The following EHBP1 variants were observed in gnomAD, a reference collection of about 807,000 sequenced individuals.
EHBP1 encodes EH domain binding protein 1.
EHBP1 carries 55 observed loss-of-function variants against 144.0 expected under a neutral mutation model. The ratio of observed to expected loss-of-function variants is 0.38; its 90% confidence interval spans 0.31 to 0.48. The LOEUF (loss-of-function observed/expected upper bound fraction) is 0.48. Ranked by LOEUF, EHBP1 falls within the 20% of genes least tolerant of loss-of-function variation. The probability of loss-of-function intolerance (pLI) is 0.98; values close to 1 mark genes in which losing one functional copy is unlikely to be tolerated. For missense variants in EHBP1, 1,200 were observed against 1,364.2 expected, an observed-to-expected ratio of 0.88 and a Z score of 1.90; for synonymous variants, 469 against 472.7, an observed-to-expected ratio of 0.99 and a Z score of 0.10.
At chr2:62,883,760 T>C (rs2051676158) in intron 10 of EHBP1, among the ~76,000 whole-genome samples, 1 of 152,122 alleles carries the variant, frequency 6.6e-6, no homozygotes, top group African/African-American at 2.4e-5. Context: ...GCCTAGGAAT[T>C]AGAGACCAGC....
chr2:62,855,978 G>A (rs1315374903), intron 7 of EHBP1, among the ~76,000 whole-genome samples: 1 of 152,104 alleles, frequency 6.6e-6, no homozygotes, highest in African/African-American at 2.4e-5. Context: ...CCACTCCAGG[G>A]TCTCCTCCCT....
At chr2:62,889,364 T>A (rs1163453356) in intron 10 of EHBP1, among the ~76,000 whole-genome samples, 1 of 152,104 alleles carries the variant, frequency 6.6e-6, no homozygotes, top group Non-Finnish European at 1.5e-5. Context: ...TTTACTCTAT[T>A]GATAGTTTCT....
chr2:62,704,217 C>A (rs997586549), upstream of EHBP1, among the ~76,000 whole-genome samples: 9 of 152,144 alleles, frequency 5.9e-5, no homozygotes, highest in Admixed American at 2.6e-4. Flanking sequence ...GCAAAATAAG[C>A]GATAACTATG....
chr2:62,730,930 G>A (rs1376469460), intron 2 of EHBP1, among the ~76,000 whole-genome samples: 1 of 149,712 alleles, frequency 6.7e-6, no homozygotes, highest in Non-Finnish European at 1.5e-5. Context: ...TAGAGAGAGA[G>A]ACAGAGATAG....
intron 2 of EHBP1, among the ~76,000 whole-genome samples, chr2:62,719,449 C>T (rs975083603): frequency 2.0e-5 from 3 of 152,022 alleles, no homozygotes; most frequent in African/African-American, 7.3e-5. Flanking sequence ...TGCCAAGGGC[C>T]ATGATTCACA....
intron 11 of EHBP1, among the ~76,000 whole-genome samples, chr2:62,943,405 T>A (rs965725941): frequency 1.3e-5 from 2 of 150,368 alleles, no homozygotes; most frequent in East Asian, 3.9e-4. Flanking sequence ...AAAAAATGGT[T>A]TTTCTCCTTA....
At chr2:62,805,468 C>CTTTT (rs199557281) in intron 5 of EHBP1, among the ~76,000 whole-genome samples, 3 of 123,790 alleles carry the variant, frequency 2.4e-5, no homozygotes, top group African/African-American at 9.0e-5. Flanking sequence ...TTTGTATTTT[C>CTTTT]TTTTTTTTTT....
intron 10 of EHBP1, among the ~76,000 whole-genome samples, chr2:62,924,679 C>T (rs2055354093): frequency 6.6e-6 from 1 of 152,030 alleles, no homozygotes; most frequent in African/African-American, 2.4e-5. Flanking sequence ...TTGAATAGAC[C>T]AATAAGTAAA....
chr2:63,032,566 C>CAAAA (rs35237077), intron 19 of EHBP1, among the ~76,000 whole-genome samples: 1 of 28,282 alleles, frequency 3.5e-5, no homozygotes, highest in Non-Finnish European at 6.7e-5. Flanking sequence ...GACTCTGTCT[C>CAAAA]AAAAAAAAAA....
intron 1 of EHBP1, among the ~76,000 whole-genome samples, chr2:62,695,305 G>C: frequency 6.6e-6 from 1 of 152,096 alleles, no homozygotes; most frequent in East Asian, 1.9e-4. Context: ...AGGCTGCAGT[G>C]AGCCGTGATC....
At chr2:62,696,164 C>CTCTCTT (rs572834429) in intron 1 of EHBP1, among the ~76,000 whole-genome samples, 265 of 135,650 alleles carry the variant, frequency 2.0e-3, no homozygotes, top group Middle Eastern at 0.015. Flanking sequence ...CTCTCTCTCT[C>CTCTCTT]TCTTTCTTTC....
At chr2:62,849,027 CTG>C (rs1361148718) in intron 7 of EHBP1, among the ~76,000 whole-genome samples, 1 of 152,146 alleles carries the variant, frequency 6.6e-6, no homozygotes, top group East Asian at 1.9e-4. Flanking sequence ...GGTCTCCTGA[CTG>C]TGTCCTAATG....
chr2:62,771,275 A>T, intron 4 of EHBP1, 64 bp from the exon 5 acceptor site: 1 of 1,243,346 alleles, frequency 8.0e-7, no homozygotes, highest in Non-Finnish European at 1.1e-6. Context: ...GTATTTTCTT[A>T]ATTGGGTTTA....
At chr2:62,960,462 C>T (rs1574254571) in intron 14 of EHBP1, among the ~76,000 whole-genome samples, 1 of 152,164 alleles carries the variant, frequency 6.6e-6, no homozygotes, top group East Asian at 1.9e-4. Context: ...AGTTAATTCT[C>T]TTTCCTATAT....
At chr2:62,747,475 T>G in intron 3 of EHBP1, 23 bp downstream of exon 3, 1 of 1,585,466 alleles carries the variant, frequency 6.3e-7, no homozygotes. Context: ...TCTAAATTTC[T>G]TACCTAATTG....
At chr2:62,848,752 A>G (rs867147602) in intron 7 of EHBP1, among the ~76,000 whole-genome samples, 2 of 152,236 alleles carry the variant, frequency 1.3e-5, no homozygotes, top group African/African-American at 2.4e-5. Context: ...TAAAATAGTT[A>G]TAGCCTGTGG....
chr2:62,729,433 A>ATAATAAATG (rs1232631593), intron 2 of EHBP1, among the ~76,000 whole-genome samples: 8 of 54,844 alleles, frequency 1.5e-4, no homozygotes, highest in African/African-American at 5.2e-4. Context: ...TAATATAATA[A>ATAATAAATG]TAATAAATAT....
chr2:62,791,127 G>A (rs748888947), intron 5 of EHBP1, among the ~76,000 whole-genome samples: 16 of 151,888 alleles, frequency 1.1e-4, no homozygotes, highest in Non-Finnish European at 2.2e-4. Context: ...GCTAATGAGT[G>A]GTAAACTATT....
intron 21 of EHBP1, 130 bp downstream of exon 21, chr2:63,038,946 G>T: frequency 1.4e-6 from 1 of 721,440 alleles, no homozygotes; most frequent in South Asian, 2.1e-5. Context: ...AATAAATGCC[G>T]TGGAGGCAGA....
Sources: gnomAD v4.1 joint callset for allele counts (sites outside exome capture counted in the v4.1 genomes callset) on GRCh38, gnomAD v4.1.1 for gene constraint, MANE v1.5 for transcripts, NCBI Gene and HGNC (gene_info 2026-07-23, HGNC 2026-07-21) for gene names.